RGS6: variants seen among roughly 807,000 people sequenced by gnomAD.
RGS6 encodes regulator of G-protein signaling 6.
A neutral mutation model predicts 78.5 loss-of-function variants in RGS6; 30 were observed. The observed-to-expected ratio is 0.38, with a 90% CI of 0.29 to 0.52. RGS6 has a LOEUF of 0.52. Among genes scored for constraint, RGS6 ranks in the 20% least tolerant of loss-of-function variants. RGS6 has a pLI of 0.85. For missense variants in RGS6, 495 were observed against 609.7 expected (o/e 0.81, Z 1.98); for synonymous variants, 206 against 206.0 (o/e 1.00, Z 0.00).
At chr14:72,187,847 T>A (rs1219133393) in intron 2 of RGS6, among the ~76,000 whole-genome samples, 1 of 151,194 alleles carries the variant, frequency 6.6e-6, no homozygotes, top group African/African-American at 2.4e-5. Context: ...AAATCAATGC[T>A]CACTGTGCTT....
intron 2 of RGS6, among the ~76,000 whole-genome samples, chr14:72,105,848 A>T (rs1048636128): frequency 2.3e-4 from 35 of 152,216 alleles, no homozygotes; most frequent in African/African-American, 7.0e-4. Context: ...TTGTTCTTTA[A>T]AAAGGAAATG....
At chr14:72,503,611 G>A (rs986562665) in intron 13 of RGS6, among the ~76,000 whole-genome samples, 7 of 152,150 alleles carry the variant, frequency 4.6e-5, no homozygotes, top group African/African-American at 7.2e-5. Flanking sequence ...AAGAAGAAAT[G>A]GGTAATGGGT....
At chr14:72,271,352 A>G (rs971863240) in intron 2 of RGS6, among the ~76,000 whole-genome samples, 10 of 152,318 alleles carry the variant, frequency 6.6e-5, no homozygotes, top group African/African-American at 2.4e-4. Context: ...TTATAAAACC[A>G]TCAGCTCTCA....
intron 2 of RGS6, among the ~76,000 whole-genome samples, chr14:72,071,878 A>G (rs1597097486): frequency 6.6e-6 from 1 of 152,172 alleles, no homozygotes; most frequent in African/African-American, 2.4e-5. Context: ...TTTCATAGCA[A>G]TCTCTGTGTT....
chr14:72,085,443 G>C (rs984696233), intron 2 of RGS6, among the ~76,000 whole-genome samples: 16 of 152,056 alleles, frequency 1.1e-4, no homozygotes, highest in Non-Finnish European at 5.9e-5. Flanking sequence ...TGAGTACCTG[G>C]GCCCAGATAT....
chr14:72,185,668 A>G (rs1406457476), intron 2 of RGS6, among the ~76,000 whole-genome samples: 1 of 152,212 alleles, frequency 6.6e-6, no homozygotes, highest in East Asian at 1.9e-4. Flanking sequence ...TTACCAGCCA[A>G]GTGCTGTGGC....
intron 2 of RGS6, among the ~76,000 whole-genome samples, chr14:72,192,819 T>C (rs1424199826): frequency 6.6e-6 from 1 of 152,204 alleles, no homozygotes; most frequent in Non-Finnish European, 1.5e-5. Context: ...ACTGGCTCTC[T>C]TATTAGCCTT....
the RGS6 span, among the ~76,000 whole-genome samples, chr14:72,575,735 G>C: frequency 1.3e-5 from 2 of 152,314 alleles, no homozygotes; most frequent in East Asian, 3.9e-4. Flanking sequence ...ACTCTGATTT[G>C]ATCATTACAC....
chr14:72,368,589 T>A (rs1020224338), intron 3 of RGS6, among the ~76,000 whole-genome samples: 14 of 152,224 alleles, frequency 9.2e-5, no homozygotes, highest in Non-Finnish European at 1.8e-4. Context: ...AAACTTTTTT[T>A]ATAATGAACT....
At chr14:72,292,158 A>G (rs2063703298) in intron 2 of RGS6, among the ~76,000 whole-genome samples, 2 of 152,196 alleles carry the variant, frequency 1.3e-5, no homozygotes, top group African/African-American at 4.8e-5. Context: ...TCCCCAGTGT[A>G]CTGGTTTTCC....
intron 2 of RGS6, among the ~76,000 whole-genome samples, chr14:72,004,710 A>T (rs1363612018): frequency 6.6e-6 from 1 of 152,152 alleles, no homozygotes; most frequent in African/African-American, 2.4e-5. Flanking sequence ...CTGTGGTCCC[A>T]GCTACTCAGG....
chr14:71,911,428 A>G, the RGS6 span, among the ~76,000 whole-genome samples: 1 of 152,224 alleles, frequency 6.6e-6, no homozygotes, highest in Admixed American at 6.5e-5. Context: ...TGTTTTTCAT[A>G]GGGAAAATGA....
chr14:72,474,860 C>T (rs1293237077), intron 10 of RGS6, among the ~76,000 whole-genome samples, 161 bp downstream of exon 10: 4 of 152,188 alleles, frequency 2.6e-5, no homozygotes, highest in African/African-American at 7.2e-5. Flanking sequence ...GCATGCTTGG[C>T]GCTGTGCTCG....
chr14:72,046,754 T>A (rs1193929552), intron 2 of RGS6, among the ~76,000 whole-genome samples: 1 of 152,216 alleles, frequency 6.6e-6, no homozygotes, highest in Non-Finnish European at 1.5e-5. Flanking sequence ...TTTTCAGATA[T>A]TATAACTTCA....
At chr14:72,578,800 G>T in the RGS6 span, among the ~76,000 whole-genome samples, 1 of 152,224 alleles carries the variant, frequency 6.6e-6, no homozygotes, top group Non-Finnish European at 1.5e-5. Context: ...TTGAGCTAAG[G>T]CTTAATGGGT....
At chr14:72,528,801 G>A (rs760836092) in intron 15 of RGS6, among the ~76,000 whole-genome samples, 5 of 152,160 alleles carry the variant, frequency 3.3e-5, no homozygotes, top group African/African-American at 4.8e-5. Context: ...TGGCTTGGCT[G>A]GTTTTGCCAG....
chr14:72,216,155 G>T (rs2045510324), intron 2 of RGS6, among the ~76,000 whole-genome samples: 2 of 152,212 alleles, frequency 1.3e-5, no homozygotes, highest in African/African-American at 2.4e-5. Flanking sequence ...TCTCTTTTGA[G>T]AATTATGTGG....
intron 13 of RGS6, among the ~76,000 whole-genome samples, chr14:72,507,605 C>T (rs567561690): frequency 1.3e-5 from 2 of 152,302 alleles, no homozygotes; most frequent in South Asian, 4.1e-4. Context: ...ATTTCTGGCC[C>T]ACTCCAAAAA....
chr14:72,090,275 C>T (rs1466944230), intron 2 of RGS6, among the ~76,000 whole-genome samples: 1 of 152,118 alleles, frequency 6.6e-6, no homozygotes, highest in East Asian at 1.9e-4. Context: ...GTTTCTAACC[C>T]CCAGGCCATG....
Sources: gnomAD v4.1 joint callset for allele counts (sites outside exome capture counted in the v4.1 genomes callset) on GRCh38, gnomAD v4.1.1 for gene constraint, MANE v1.5 for transcripts, NCBI Gene and HGNC (gene_info 2026-07-23, HGNC 2026-07-21) for gene names.